The following PCDHGA1 variants were observed in gnomAD, a reference collection of about 807,000 sequenced individuals.
PCDHGA1 encodes the protein protocadherin gamma-A1.
A neutral mutation model predicts 58.0 loss-of-function variants in PCDHGA1; 32 were observed. That is an observed-to-expected ratio of 0.55 (90% CI 0.42 to 0.74). PCDHGA1 has a LOEUF of 0.74. Among genes scored for constraint, PCDHGA1 ranks in the 30% least tolerant of loss-of-function variants. The pLI is 0.00. For missense variants in PCDHGA1, 1,205 were observed against 1,182.3 expected, an observed-to-expected ratio of 1.02 and a Z score of -0.28; for synonymous variants, 498 against 501.1, an observed-to-expected ratio of 0.99 and a Z score of 0.08.
intron 1 of PCDHGA1, chr5:141,372,380 A>C (rs1201023988): frequency 8.7e-6 from 14 of 1,613,964 alleles, no homozygotes; most frequent in Non-Finnish European, 1.2e-5. Flanking sequence ...TGCTGCACCT[A>C]ATCTTCGCAG....
At chr5:141,389,426 G>C (rs868246317) in intron 1 of PCDHGA1, 1 of 1,613,498 alleles carries the variant, frequency 6.2e-7, no homozygotes, top group Non-Finnish European at 8.5e-7. Context: ...TGGTGTTCGC[G>C]CAGCGCGCCT....
At position 141,481,036 on chromosome 5, in the gene PCDHGA1, C is replaced by T. The variant is rs1040377549; in HGVS notation, c.2422-13771C>T. Among the ~76,000 whole-genome samples, 19 of 151,964 alleles carry T rather than the reference C, an allele frequency of 1.3e-4. 1 individual carries two copies. The highest frequency in any genetic ancestry group is 3.4e-4 in the African/African-American group (14 of 41,456). ...TCACACCACTGCACTCCAGCCTGGG[C>T]GACAGAGCGAGACTCCACCTCAAAA... is the stretch of plus-strand genomic sequence containing the variant. On this transcript the variant is annotated intron_variant, in intron 1 of 3. Transcript: ENST00000517417.
intron 1 of PCDHGA1, chr5:141,430,540 G>T: frequency 2.6e-6 from 1 of 386,954 alleles, no homozygotes; most frequent in Admixed American, 4.2e-5. Flanking sequence ...GACTCTGAGC[G>T]CCGCTGTTCA....
chr5:141,478,987 G>T (rs1007857792), intron 1 of PCDHGA1, among the ~76,000 whole-genome samples: 8 of 152,144 alleles, frequency 5.3e-5, no homozygotes, highest in African/African-American at 1.4e-4. Flanking sequence ...TGTGACATTT[G>T]TATTAAAACT....
At position 141,436,706 on chromosome 5, in the gene PCDHGA1, A is replaced by G. The variant is rs149478256; in HGVS notation, c.2422-58101A>G. 3.9e-3 allele frequency among the ~76,000 whole-genome samples: 587 copies of G among 152,318 alleles called. 6 individuals are homozygous for G. Among genetic ancestry groups the G allele is most frequent in the Admixed American group, 0.011 (169 of 15,304 alleles). On this transcript the variant is annotated intron_variant, in intron 1 of 3. Transcript: ENST00000517417. ...TATATTTTCAATGCCAGCACACTCG[A>G]TGTTCTGTTGGGAAAAATAATAATG...
At chr5:141,388,340 T>C in intron 1 of PCDHGA1, 1 of 1,613,994 alleles carries the variant, frequency 6.2e-7, no homozygotes, top group South Asian at 1.1e-5. Context: ...GCACACGATT[T>C]ATATTAGGAT....
At chr5:141,414,223 G>C in intron 1 of PCDHGA1, 1 of 1,613,426 alleles carries the variant, frequency 6.2e-7, no homozygotes, top group Non-Finnish European at 8.5e-7. Flanking sequence ...CAACAGTCCA[G>C]AGCTGACCAT....
At chr5:141,423,773 T>A in intron 1 of PCDHGA1, 6 of 901,238 alleles carry the variant, frequency 6.7e-6, no homozygotes, top group Non-Finnish European at 7.3e-6. Flanking sequence ...GGGCGGCATA[T>A]ATTTAGTTCA....
intron 1 of PCDHGA1, chr5:141,374,662 G>C (rs1378135258): frequency 6.2e-7 from 1 of 1,611,648 alleles, no homozygotes; most frequent in South Asian, 1.1e-5. Flanking sequence ...AGTACCCGGA[G>C]CTGGTGCTGG....
chr5:141,332,412 G>A lies in PCDHGA1; in HGVS notation c.1728G>A (p.Glu576=). 1 of 1,614,158 alleles carries A rather than the reference G, an allele frequency of 6.2e-7. No individual in the cohort carries two copies. Among genetic ancestry groups the A allele is most frequent in the Non-Finnish European group, 8.5e-7 (1 of 1,180,044 alleles). ...ALPTDGSTGV[E]LAPLSAEPGY... ...CCACAGATGGTTCTACCGGCGTGGA[G>A]CTGGCGCCCCTCTCCGCAGAGCCCG... The change falls in exon 1 of 4, where the codon GAG becomes GAA. Residue 576 remains glutamate (E), a synonymous_variant. Coordinates refer to ENST00000517417, the MANE Select transcript of PCDHGA1 (RefSeq NM_018912.3). This position sits in a 1 kb window ranked among gnomAD's most constrained non-coding sequence, Gnocchi z 4.6.
chr5:141,418,754 G>A (rs748707880), intron 1 of PCDHGA1: 1 of 1,613,926 alleles, frequency 6.2e-7, no homozygotes, highest in South Asian at 1.1e-5. Context: ...TTACACTACA[G>A]GAAACATTCT....
At chr5:141,380,483 A>G (rs1460206090) in intron 1 of PCDHGA1, among the ~76,000 whole-genome samples, 1 of 152,208 alleles carries the variant, frequency 6.6e-6, no homozygotes, top group Non-Finnish European at 1.5e-5. Flanking sequence ...TCTTCCCAAT[A>G]TCTCAGTCAA....
Position 141,331,789 on chromosome 5 carries a change from A to C in PCDHGA1, c.1105A>C (p.Ile369Leu). Residue 369 changes from isoleucine (I) to leucine (L), a missense_variant, in exon 1 of 4, where the codon ATC becomes CTC. By Grantham distance (5) the Ile-to-Leu change is conservative (BLOSUM62 2). Transcript: ENST00000517417. ...TCCTCCTGGGACCATAATTGCTCTTATCAGTGTGCATGACCAGGACTCAGG... is the reference window on the plus strand; with the variant it reads ...TCCTCCTGGGACCATAATTGCTCTTCTCAGTGTGCATGACCAGGACTCAGG... ...NFPPGTIIAL[I>L]SVHDQDSGDN... 2 of 1,614,204 alleles carry C rather than the reference A, an allele frequency of 1.2e-6. No individual in the cohort carries two copies. The highest frequency in any genetic ancestry group is 1.6e-4 in the Middle Eastern group (1 of 6,062).
chr5:141,470,019 C>G (rs2099219272), intron 1 of PCDHGA1, among the ~76,000 whole-genome samples: 1 of 152,154 alleles, frequency 6.6e-6, no homozygotes, highest in South Asian at 2.1e-4. Context: ...ATCCCAGCTA[C>G]TCGGGATGCT....
intron 1 of PCDHGA1, chr5:141,339,972 T>G: frequency 1.2e-6 from 2 of 1,614,166 alleles, no homozygotes; most frequent in Non-Finnish European, 1.7e-6. Context: ...GCGAAGGTTA[T>G]CGTCACGGTT....
In PCDHGA1 at chr5:141,402,956, G is replaced by A. The variant is rs1276206622; in HGVS notation, c.2421+69851G>A. Reference sequence around the variant, plus strand: ...AAAATTCCAAAGCGAGGCAGCAATGGCAGCTCCAACCAAATGCCAGCTCCG... The same window carrying A: ...AAAATTCCAAAGCGAGGCAGCAATGACAGCTCCAACCAAATGCCAGCTCCG... On this transcript the variant is annotated intron_variant, in intron 1 of 3. Coordinates refer to ENST00000517417, the MANE Select transcript of PCDHGA1 (RefSeq NM_018912.3). 1.2e-6 allele frequency: 2 copies of A among 1,601,842 alleles called. No individual in the cohort carries two copies. The highest frequency in any genetic ancestry group is 2.7e-5 in the African/African-American group (2 of 74,454).
In PCDHGA1 at chr5:141,370,921, C is replaced by T. The variant is rs1767318937; in HGVS notation, c.2421+37816C>T. Reference sequence around the variant, plus strand: ...CAGCAGTACTACCTCAGCCCTGATCCGCACTTCTCTTTGATTCAGAAGGAG... The same window carrying T: ...CAGCAGTACTACCTCAGCCCTGATCTGCACTTCTCTTTGATTCAGAAGGAG... On this transcript the variant is annotated intron_variant, in intron 1 of 3. Coordinates refer to ENST00000517417, the MANE Select transcript of PCDHGA1 (RefSeq NM_018912.3). 2 of 1,613,978 alleles carry T rather than the reference C, an allele frequency of 1.2e-6. No homozygotes were observed. Among genetic ancestry groups the T allele is most frequent in the Admixed American group, 1.7e-5 (1 of 60,006 alleles).
At chr5:141,374,414 G>C in intron 1 of PCDHGA1, 1 of 1,614,026 alleles carries the variant, frequency 6.2e-7, no homozygotes, top group South Asian at 1.1e-5. Flanking sequence ...CATCCTTGTC[G>C]AGGATAAACT....
chr5:141,360,829 G>C lies in PCDHGA1; in HGVS notation c.2421+27724G>C, dbSNP rs1467338981. On this transcript the variant is annotated intron_variant, in intron 1 of 3. Coordinates refer to ENST00000517417, the MANE Select transcript of PCDHGA1 (RefSeq NM_018912.3). The stretch of plus-strand genomic sequence containing the variant: ...TGGCACGACCCAAATCCGAATCAAA[G>C]TCACGGATGCCAACGATAACCCTCC... 11 of 1,613,980 alleles carry C rather than the reference G, an allele frequency of 6.8e-6. No homozygotes were observed. The South Asian group carries it at 1.2e-4, about 18-fold the overall frequency.
Sources: gnomAD v4.1 joint callset for allele counts (sites outside exome capture counted in the v4.1 genomes callset) on GRCh38, gnomAD v4.1.1 for gene constraint, Gnocchi (gnomAD v3.1) non-coding constraint, MANE v1.5 for transcripts, NCBI Gene and HGNC (gene_info 2026-07-23, HGNC 2026-07-21) for gene names.